Variants in ARHGAP26 observed in about 807,000 individuals in gnomAD.
The protein encoded by ARHGAP26 is Rho GTPase activating protein 26.
A neutral mutation model predicts 104.8 loss-of-function variants in ARHGAP26; 38 were observed. The observed-to-expected ratio is 0.36, with a 90% CI of 0.28 to 0.48. ARHGAP26 has a LOEUF of 0.48. ARHGAP26 is among the 20% of genes least tolerant of loss of function. The pLI, the probability that ARHGAP26 is intolerant of heterozygous loss-of-function variation, is 0.99. For missense variants in ARHGAP26, 704 were observed against 947.9 expected (o/e 0.74, Z 3.38); for synonymous variants, 341 against 340.0 (o/e 1.00, Z -0.03).
intron 1 of ARHGAP26, among the ~76,000 whole-genome samples, chr5:142,872,803 G>A (rs1293245910): frequency 6.6e-6 from 1 of 152,210 alleles, no homozygotes; most frequent in African/African-American, 2.4e-5. Context: ...CAGGCTGGTG[G>A]TCCACTCTGC....
intron 12 of ARHGAP26, among the ~76,000 whole-genome samples, chr5:143,035,244 A>T (rs899846715): frequency 6.6e-6 from 1 of 152,212 alleles, no homozygotes; most frequent in Non-Finnish European, 1.5e-5. Context: ...AAAATGTTTT[A>T]AAATCTTCAG....
chr5:143,110,417 C>T (rs10065814), intron 17 of ARHGAP26, among the ~76,000 whole-genome samples: 7,427 of 152,208 alleles, frequency 0.049, 609 homozygotes, highest in African/African-American at 0.17. Context: ...GCACTTTCTT[C>T]GTTGGGTAGA....
At chr5:143,008,003 T>A (rs1442584873) in intron 11 of ARHGAP26, among the ~76,000 whole-genome samples, 1 of 152,240 alleles carries the variant, frequency 6.6e-6, no homozygotes, top group Non-Finnish European at 1.5e-5. Flanking sequence ...CCATAGGGGA[T>A]ACATTTCCAT....
intron 20 of ARHGAP26, chr5:143,202,785 A>G (rs1807965380): frequency 1.3e-5 from 2 of 152,224 alleles, no homozygotes; most frequent in African/African-American, 4.8e-5. Context: ...ATCTACAACC[A>G]TCTGATCTCT....
chr5:143,172,894 G>A (rs974680920), intron 20 of ARHGAP26: 1 of 173,964 alleles, frequency 5.7e-6, no homozygotes, highest in Non-Finnish European at 1.2e-5. Context: ...GTTGTTGGTT[G>A]AAAGAAGATG....
chr5:142,971,686 A>G (rs1226159028), intron 11 of ARHGAP26, among the ~76,000 whole-genome samples: 6 of 152,064 alleles, frequency 3.9e-5, no homozygotes, highest in South Asian at 2.1e-4. Context: ...TCTTGATCCT[A>G]TGAAGGTAGA....
At chr5:142,874,301 C>T (rs1180907578) in intron 2 of ARHGAP26, among the ~76,000 whole-genome samples, 2 of 152,222 alleles carry the variant, frequency 1.3e-5, no homozygotes, top group African/African-American at 4.8e-5. Flanking sequence ...CTTCTATAGG[C>T]ACCTTGGTTG....
chr5:142,916,050 T>A (rs889636518), intron 10 of ARHGAP26, among the ~76,000 whole-genome samples: 4 of 152,160 alleles, frequency 2.6e-5, no homozygotes, highest in African/African-American at 9.7e-5. Flanking sequence ...AAAATGCAAG[T>A]TTAGCACCTA....
At chr5:142,890,281 A>C (rs1758472802) in intron 5 of ARHGAP26, among the ~76,000 whole-genome samples, 3 of 147,992 alleles carry the variant, frequency 2.0e-5, no homozygotes, top group African/African-American at 7.5e-5. Flanking sequence ...TGTTGAAGTT[A>C]AAATGTGTGT....
chr5:142,894,180 G>A (rs1460297581), intron 5 of ARHGAP26, 58 bp from the exon 6 acceptor site: 13 of 1,431,820 alleles, frequency 9.1e-6, no homozygotes, highest in African/African-American at 1.4e-5. Context: ...ACCTGCTTTC[G>A]GAATGCTATC....
At chr5:142,958,682 A>G (rs775038843) in intron 11 of ARHGAP26, among the ~76,000 whole-genome samples, 32 of 152,156 alleles carry the variant, frequency 2.1e-4, no homozygotes, top group Non-Finnish European at 3.8e-4. Flanking sequence ...ACAAAACAGT[A>G]TAAGTAGATT....
At position 142,821,688 on chromosome 5, in the gene ARHGAP26, A is replaced by G. The variant is rs140099614; in HGVS notation, c.154+50773A>G. On this transcript the variant is annotated intron_variant, in intron 1 of 22. Transcript: ENST00000645722. ...TACCCAGGTGATTTATCTACACATTAAAATTTGAGAAACACTTGGACTGAG... is the reference window on the plus strand; with the variant it reads ...TACCCAGGTGATTTATCTACACATTGAAATTTGAGAAACACTTGGACTGAG... 1.6e-4 allele frequency among the ~76,000 whole-genome samples: 25 copies of G among 152,300 alleles called. No individual in the cohort carries two copies. In the East Asian group the frequency reaches 4.4e-3, roughly 27 times the overall value.
intron 12 of ARHGAP26, among the ~76,000 whole-genome samples, chr5:143,031,061 A>G (rs1360375034): frequency 6.6e-6 from 1 of 152,254 alleles, no homozygotes; most frequent in East Asian, 1.9e-4. Flanking sequence ...GGGTAATGTG[A>G]GTTGGGAGCC....
rs532921440 is a variant in ARHGAP26 at position 143,189,819 on chromosome 5, A to G, written c.1989-17379A>G. Among the ~76,000 whole-genome samples, 13 of 152,302 alleles carry G rather than the reference A, an allele frequency of 8.5e-5. No individual in the cohort carries two copies. The South Asian group carries it at 2.7e-3, about 32-fold the overall frequency. ...CTACCTTGAAGCCTACTGAACTTGA[A>G]TGTAAGCTGCCTGAGAGCAGAGGGC... On this transcript the variant is annotated intron_variant, in intron 20 of 22. Coordinates refer to ENST00000645722, the MANE Select transcript of ARHGAP26 (RefSeq NM_001135608.3).
At chr5:142,865,746 A>G (rs1396552878) in intron 1 of ARHGAP26, among the ~76,000 whole-genome samples, 1 of 152,196 alleles carries the variant, frequency 6.6e-6, no homozygotes. Context: ...TCCTCTGTAT[A>G]ACAATCCAGT....
rs74573525 is a variant in ARHGAP26 at position 143,099,083 on chromosome 5, C to A, written c.1539-21905C>A. On this transcript the variant is annotated intron_variant, in intron 17 of 22. Coordinates refer to ENST00000645722, the MANE Select transcript of ARHGAP26 (RefSeq NM_001135608.3). ...AATGTTCTGTAGGGCAATAAAACCTCAACTTTTGAGATTATCTTTTCTGCT... is the reference window on the plus strand; with the variant it reads ...AATGTTCTGTAGGGCAATAAAACCTAAACTTTTGAGATTATCTTTTCTGCT... Among the ~76,000 whole-genome samples, 569 of 152,282 alleles carry A rather than the reference C, an allele frequency of 3.7e-3. 2 individuals carry two copies. Among genetic ancestry groups the A allele is most frequent in the Non-Finnish European group, 7.1e-3 (483 of 68,018 alleles).
intron 5 of ARHGAP26, among the ~76,000 whole-genome samples, chr5:142,892,989 CT>C (rs56211069): frequency 0.21 from 22,708 of 107,392 alleles, 2,370 homozygotes; most frequent in East Asian, 0.63. Context: ...CACCCCCCCG[CT>C]TTTTTTTTTT....
chr5:142,938,390 T>C (rs1376640056), intron 11 of ARHGAP26, among the ~76,000 whole-genome samples: 2 of 152,210 alleles, frequency 1.3e-5, no homozygotes, highest in African/African-American at 4.8e-5. Context: ...TTTACTTTTG[T>C]GTGGCCATTG....
chr5:142,801,711 G>A (rs1762111146), intron 1 of ARHGAP26, among the ~76,000 whole-genome samples: 1 of 151,830 alleles, frequency 6.6e-6, no homozygotes, highest in African/African-American at 2.4e-5. Flanking sequence ...CCCGCCTTTG[G>A]CTGCTCTTGT....
Sources: allele counts gnomAD v4.1 joint callset (sites outside exome capture counted in the v4.1 genomes callset), GRCh38; gene constraint gnomAD v4.1.1; transcripts MANE v1.5; gene names NCBI Gene and HGNC (gene_info 2026-07-23, HGNC 2026-07-21).